The following CSMD1 variants were observed in gnomAD, a reference collection of about 807,000 sequenced individuals.
CSMD1 encodes CUB and Sushi multiple domains 1.
CSMD1 carries 213 observed loss-of-function variants against 417.5 expected under a neutral mutation model. The observed-to-expected ratio is 0.51, with a 90% confidence interval of 0.46 to 0.57. The LOEUF (loss-of-function observed/expected upper bound fraction) is 0.57. CSMD1 is among the 20% of genes least tolerant of loss of function. CSMD1 has a pLI of 0.00. For missense variants in CSMD1, 6,923 were observed against 4,529.7 expected, an observed-to-expected ratio of 1.53 and a Z score of -15.17; for synonymous variants, 2,862 against 1,736.8, an observed-to-expected ratio of 1.65 and a Z score of -16.11.
At chr8:4,801,043 G>A (rs531250122) in intron 1 of CSMD1, among the ~76,000 whole-genome samples, 26 of 152,034 alleles carry the variant, frequency 1.7e-4, no homozygotes, top group Non-Finnish European at 3.4e-4. Context: ...CATTTAATAC[G>A]TAAAAAGTAA....
chr8:3,189,967 G>A lies in CSMD1; in HGVS notation c.5343C>T (p.Cys1781=). 3.8e-6 allele frequency: 6 copies of A among 1,598,710 alleles called. No individual in the cohort carries two copies. In the South Asian group the frequency reaches 4.6e-5, roughly 12 times the overall value. Residue 1781 remains cysteine, a synonymous_variant, in exon 34 of 70, where the codon TGC becomes TGT. Coordinates refer to ENST00000635120, the MANE Select transcript of CSMD1 (RefSeq NM_033225.6). ...GTGCCAAGGCGTTGGGCACGGACTG[G>A]CAGTGGAGCGCCGTGGAACCCTGAA... ...YLLQGSTALH[C]QSVPNALAQW...
chr8:4,520,520 C>A (rs1271385002), intron 2 of CSMD1, among the ~76,000 whole-genome samples: 1 of 152,030 alleles, frequency 6.6e-6, no homozygotes, highest in Non-Finnish European at 1.5e-5. Context: ...AAAGACATCC[C>A]GATAGGTGTC....
chr8:3,819,120 A>C (rs143925891), intron 5 of CSMD1, among the ~76,000 whole-genome samples: 172 of 152,258 alleles, frequency 1.1e-3, no homozygotes, highest in Non-Finnish European at 1.9e-3. Context: ...GAGATGGGGG[A>C]AAGATTTGCT....
intron 38 of CSMD1, among the ~76,000 whole-genome samples, chr8:3,160,799 T>C (rs756795369): frequency 2.6e-5 from 4 of 152,214 alleles, no homozygotes; most frequent in African/African-American, 7.2e-5. Flanking sequence ...GTCCCACGGT[T>C]GATCAGGAGA....
At chr8:4,354,253 G>A (rs952092260) in intron 3 of CSMD1, among the ~76,000 whole-genome samples, 41 of 152,112 alleles carry the variant, frequency 2.7e-4, no homozygotes, top group African/African-American at 9.2e-4. Flanking sequence ...CAACATTGTA[G>A]ATCACGGTGT....
chr8:4,423,805 T>A (rs1154044), intron 2 of CSMD1, among the ~76,000 whole-genome samples: 5 of 151,838 alleles, frequency 3.3e-5, no homozygotes, highest in African/African-American at 1.2e-4. Flanking sequence ...TCACCTGATT[T>A]CAAGACTTAT....
intron 41 of CSMD1, among the ~76,000 whole-genome samples, chr8:3,130,278 G>A (rs920283098): frequency 6.6e-6 from 1 of 152,124 alleles, no homozygotes; most frequent in Non-Finnish European, 1.5e-5. Context: ...CAGTTGAGCA[G>A]GAAGATGGGA....
At chr8:4,754,831 G>A (rs113279781) in intron 1 of CSMD1, among the ~76,000 whole-genome samples, 36 of 151,846 alleles carry the variant, frequency 2.4e-4, no homozygotes, top group African/African-American at 3.6e-4. Context: ...CCTGGGTGAC[G>A]GAGCAAGACT....
chr8:3,185,118 G>C (rs1044748526), intron 36 of CSMD1, among the ~76,000 whole-genome samples: 7 of 152,244 alleles, frequency 4.6e-5, no homozygotes, highest in African/African-American at 1.4e-4. Flanking sequence ...CAGTTGGTCA[G>C]AGTGCAGGTG....
intron 8 of CSMD1, among the ~76,000 whole-genome samples, chr8:3,595,702 G>A (rs536440094): frequency 4.6e-5 from 7 of 152,316 alleles, no homozygotes; most frequent in Admixed American, 1.3e-4. Context: ...ATTTTTGTGT[G>A]AGGGAATTTG....
At position 3,989,097 on chromosome 8, in the gene CSMD1, G is replaced by A. The variant is rs1027329012; in HGVS notation, c.818+8806C>T. Reference sequence around the variant, plus strand: ...CTCTATGGCACTGTTTCTTACAGCAGTAAACGTGCAGCTAGTTATAGAAAT... The same window carrying A: ...CTCTATGGCACTGTTTCTTACAGCAATAAACGTGCAGCTAGTTATAGAAAT... On this transcript the variant is annotated intron_variant, in intron 5 of 69. Transcript: ENST00000635120. Among the ~76,000 whole-genome samples the A allele has an allele frequency of 2.6e-5, 4 of 152,210 alleles. No individual in the cohort carries two copies. The East Asian group carries it at 7.7e-4, about 29-fold the overall frequency.
At chr8:3,666,640 A>G (rs192521445) in intron 7 of CSMD1, among the ~76,000 whole-genome samples, 2 of 152,156 alleles carry the variant, frequency 1.3e-5, no homozygotes, top group African/African-American at 2.4e-5. Flanking sequence ...AGATAATTGA[A>G]TCATGGGGGC....
Position 3,270,244 on chromosome 8 carries a change from G to C in CSMD1, c.4153+13900C>G, listed in dbSNP as rs557842215. Among the ~76,000 whole-genome samples, 11 of 152,038 alleles carry C rather than the reference G, an allele frequency of 7.2e-5. No homozygotes were observed. The South Asian group carries it at 1.9e-3, about 26-fold the overall frequency. ...TTTTTATCTTTTTATTTTTAGTAGA[G>C]ATGGGGTATCACCATGTTGGCCAGG... On this transcript the variant is annotated intron_variant, in intron 26 of 69. Transcript: ENST00000635120.
intron 9 of CSMD1, among the ~76,000 whole-genome samples, chr8:3,576,455 C>A (rs1800156122): frequency 6.6e-6 from 1 of 152,136 alleles, no homozygotes; most frequent in African/African-American, 2.4e-5. Flanking sequence ...GTGTACCACG[C>A]TGCAGTCCTA....
chr8:4,107,102 A>G (rs1439232503), intron 3 of CSMD1, among the ~76,000 whole-genome samples: 1 of 152,190 alleles, frequency 6.6e-6, no homozygotes, highest in African/African-American at 2.4e-5. Context: ...GATAATGACG[A>G]CAGAAATGAG....
At chr8:3,651,148 G>A (rs974413300) in intron 7 of CSMD1, among the ~76,000 whole-genome samples, 4 of 152,104 alleles carry the variant, frequency 2.6e-5, no homozygotes, top group Admixed American at 1.3e-4. Flanking sequence ...TAGCTTTCTT[G>A]CCGGTCTTTG....
intron 5 of CSMD1, among the ~76,000 whole-genome samples, chr8:3,898,834 T>G (rs950915872): frequency 6.6e-6 from 1 of 152,214 alleles, no homozygotes; most frequent in Admixed American, 6.5e-5. Flanking sequence ...CAATTATTTA[T>G]TGATTTCTCA....
chr8:4,659,764 T>C (rs890603119), intron 1 of CSMD1, among the ~76,000 whole-genome samples: 1 of 152,152 alleles, frequency 6.6e-6, no homozygotes, highest in African/African-American at 2.4e-5. Flanking sequence ...CTCGGATTTG[T>C]TCCTGAGAAT....
At chr8:3,660,624 G>A (rs963820987) in intron 7 of CSMD1, among the ~76,000 whole-genome samples, 4 of 150,142 alleles carry the variant, frequency 2.7e-5, no homozygotes, top group African/African-American at 9.8e-5. Context: ...AGGTTCAAGC[G>A]ATTCTCCTAC....
Sources: gnomAD v4.1 joint callset for allele counts (sites outside exome capture counted in the v4.1 genomes callset) on GRCh38, gnomAD v4.1.1 for gene constraint, MANE v1.5 for transcripts, NCBI Gene and HGNC (gene_info 2026-07-23, HGNC 2026-07-21) for gene names.